The following PIWIL4 variants were observed in gnomAD, a reference collection of about 807,000 sequenced individuals.
PIWIL4 encodes the protein piwi-like protein 4.
Under a neutral mutation model 100.9 loss-of-function variants are expected in PIWIL4, and 50 were observed. That is an observed-to-expected ratio of 0.50 (90% confidence interval 0.39 to 0.63). The LOEUF (loss-of-function observed/expected upper bound fraction) is 0.63, where lower values mean the gene tolerates loss of function less well. Among genes scored for constraint, PIWIL4 ranks in the 20% least tolerant of loss-of-function variants. The probability of loss-of-function intolerance (pLI) is 0.00; values close to 1 mark genes in which losing one functional copy is unlikely to be tolerated. For synonymous variants in PIWIL4, 342 were observed against 367.5 expected (o/e 0.93, Z 0.79); for missense variants, 887 against 1,043.3 (o/e 0.85, Z 2.06).
intron 19 of PIWIL4, 50 bp from the exon 20 acceptor site, chr11:94,620,826 T>G: frequency 7.1e-7 from 1 of 1,405,794 alleles, no homozygotes; most frequent in Non-Finnish European, 1.0e-6. Context: ...AAAATCTCTT[T>G]GAAGAACAAG....
At chr11:94,574,805 C>A (rs142326519) in intron 2 of PIWIL4, among the ~76,000 whole-genome samples, 194 bp from the exon 3 acceptor site, 2 of 152,168 alleles carry the variant, frequency 1.3e-5, no homozygotes, top group Admixed American at 6.5e-5. Flanking sequence ...TTTAACAAAA[C>A]GTTCTGTGTT....
rs535004539 is a variant in PIWIL4, at chr11:94,598,535, A to T, written c.1380+620A>T. Among the ~76,000 whole-genome samples the T allele has an allele frequency of 9.9e-5, 15 of 152,096 alleles. 1 individual carries two copies. The East Asian group carries it at 1.9e-3, about 20-fold the overall frequency. ...TTAATATTTTACGCAAAAATTATACATTATCTTTCTCCCCTCCCCCTCCGT... is the reference window on the plus strand; with the variant it reads ...TTAATATTTTACGCAAAAATTATACTTTATCTTTCTCCCCTCCCCCTCCGT... On this transcript the variant is annotated intron_variant, in intron 11 of 19. Transcript: ENST00000299001.
rs568841811 is a variant in PIWIL4, at chr11:94,585,460, G to T, written c.651G>T (p.Leu217Phe). 4.8e-4 allele frequency: 776 copies of T among 1,609,780 alleles called. 13 individuals are homozygous for T. The South Asian group carries it at 8.1e-3, about 17-fold the overall frequency. Residue 217 changes from leucine (L) to phenylalanine (F), a missense_variant, in exon 6 of 20, where the codon TTG becomes TTT. Leu to Phe is a conservative substitution (Grantham distance 22). This residue lies in a region of PIWIL4 where 741 missense variants were observed against 930.0 expected (regional missense o/e 0.80). Coordinates refer to ENST00000299001, the MANE Select transcript of PIWIL4 (RefSeq NM_152431.3). ...NIIFRKILKK[L>F]SMYQIGRNFY... The stretch of plus-strand genomic sequence containing the variant: ...ATACTTGCAGGATCCTCAAAAAGTT[G>T]TCCATGTACCAAATTGGACGGAACT...
chr11:94,586,482 G>A (rs762536563), intron 6 of PIWIL4, among the ~76,000 whole-genome samples: 3 of 151,468 alleles, frequency 2.0e-5, no homozygotes, highest in South Asian at 4.1e-4. Context: ...TTGTATATCT[G>A]TTTGTGGTAT....
chr11:94,595,937 G>A (rs1240275254), intron 10 of PIWIL4, among the ~76,000 whole-genome samples: 1 of 152,116 alleles, frequency 6.6e-6, no homozygotes, highest in Non-Finnish European at 1.5e-5. Context: ...TCTTATTTAT[G>A]ACAGTTTGCT....
intron 2 of PIWIL4, among the ~76,000 whole-genome samples, chr11:94,570,050 T>G (rs1474434225): frequency 6.6e-6 from 1 of 152,198 alleles, no homozygotes. Context: ...TATCTACCAG[T>G]GCATGTAGCC....
At chr11:94,598,076 A>G (rs554258424) in intron 11 of PIWIL4, among the ~76,000 whole-genome samples, 161 bp downstream of exon 11, 4 of 152,162 alleles carry the variant, frequency 2.6e-5, no homozygotes, top group Non-Finnish European at 5.9e-5. Flanking sequence ...TTCCTTTTCA[A>G]TCTGAATTTA....
At chr11:94,580,572 G>A (rs935182936) in intron 4 of PIWIL4, among the ~76,000 whole-genome samples, 15 of 152,128 alleles carry the variant, frequency 9.9e-5, no homozygotes, top group African/African-American at 3.6e-4. Flanking sequence ...AGGGTGTTGC[G>A]ACCATGGAGC....
intron 2 of PIWIL4, among the ~76,000 whole-genome samples, chr11:94,572,788 A>G (rs978033830): frequency 9.9e-5 from 15 of 152,182 alleles, no homozygotes; most frequent in African/African-American, 3.4e-4. Context: ...TTTTGGTTCC[A>G]TATGAACTAT....
intron 13 of PIWIL4, among the ~76,000 whole-genome samples, chr11:94,605,052 T>C (rs977331600): frequency 2.0e-5 from 3 of 152,230 alleles, no homozygotes; most frequent in African/African-American, 7.2e-5. Context: ...ATTTTCTATC[T>C]TTTTTGCTGA....
Position 94,621,159 on chromosome 11 carries a change from T to G in PIWIL4, c.*167T>G. On this transcript the variant is annotated 3_prime_UTR_variant, in exon 20 of 20. Transcript: ENST00000299001. The stretch of plus-strand genomic sequence containing the variant: ...CTTAATCTGAAACAGTTTTAAAAAA[T>G]GTGTGTTATTTTGTTTTAAAGAGTT... 1 of 556,758 alleles carries G rather than the reference T, an allele frequency of 1.8e-6. No individual in the cohort carries two copies. The highest frequency in any genetic ancestry group is 3.2e-6 in the Non-Finnish European group (1 of 314,282). 34.5% of individuals were successfully genotyped at this position (556,758 alleles called of 1,614,324 possible). A position where few individuals can be genotyped will look rare whatever the true frequency, so the allele number is the denominator to read the frequency against.
chr11:94,589,382 C>G (rs1385998776), intron 8 of PIWIL4, 150 bp downstream of exon 8: 1 of 641,728 alleles, frequency 1.6e-6, no homozygotes, highest in Non-Finnish European at 2.7e-6. Context: ...CCCCACCCTC[C>G]CAGTCTCCTG....
chr11:94,583,147 C>T (rs1948349144), intron 4 of PIWIL4, among the ~76,000 whole-genome samples: 1 of 149,638 alleles, frequency 6.7e-6, no homozygotes, highest in African/African-American at 2.4e-5. Context: ...CTCCCGCTCC[C>T]TAGAAAAATC....
chr11:94,576,378 C>G (rs1343429023), intron 3 of PIWIL4, among the ~76,000 whole-genome samples: 1 of 152,188 alleles, frequency 6.6e-6, no homozygotes, highest in African/African-American at 2.4e-5. Flanking sequence ...AAGCAATCCA[C>G]CCGCCTTGGC....
At chr11:94,597,213 T>G (rs963310165) in intron 10 of PIWIL4, among the ~76,000 whole-genome samples, 7 of 152,254 alleles carry the variant, frequency 4.6e-5, no homozygotes, top group African/African-American at 9.6e-5. Flanking sequence ...CTGAATCTTC[T>G]GAAGCTTACA....
rs187901764 is a variant in PIWIL4, at chr11:94,589,037, T to C, written c.915-84T>C. The C allele has an allele frequency of 9.5e-5, 84 of 887,030 alleles. No individual in the cohort carries two copies. The Admixed American group carries it at 1.7e-3, about 18-fold the overall frequency. The allele number at this position is 887,030 out of a possible 1,614,324, so 54.9% of individuals were successfully genotyped here. The stretch of plus-strand genomic sequence containing the variant: ...ATTTCTGACATTCTGGAGTCTATCT[T>C]ATGTGTTGAATTAAAAGTGTGGTGA... On this transcript the variant is annotated intron_variant, in intron 7 of 19. Transcript: ENST00000299001.
Position 94,589,200 on chromosome 11 carries a change from A to G in PIWIL4, c.994A>G (p.Thr332Ala), listed in dbSNP as rs1236695626. ...PTHTFQKRDGTEITYVDYYKQ... is the reference protein window; with the variant it reads ...PTHTFQKRDGAEITYVDYYKQ... ...ACACACCTTTCAGAAGCGGGATGGCACCGAGATCACCTATGTGGATTACTA... is the reference window on the plus strand; with the variant it reads ...ACACACCTTTCAGAAGCGGGATGGCGCCGAGATCACCTATGTGGATTACTA... The change falls in exon 8 of 20, where the codon ACC becomes GCC. Residue 332 changes from threonine to alanine, a missense_variant. Transcript: ENST00000299001. The G allele has an allele frequency of 6.2e-7, 1 of 1,609,574 alleles. No homozygotes were observed. The highest frequency in any genetic ancestry group is 1.3e-5 in the African/African-American group (1 of 74,828).
intron 11 of PIWIL4, among the ~76,000 whole-genome samples, chr11:94,598,129 A>G (rs1247967094): frequency 6.6e-6 from 1 of 152,236 alleles, no homozygotes; most frequent in Non-Finnish European, 1.5e-5. Context: ...GATTTAGGTT[A>G]GTCAGAAGAC....
chr11:94,612,872 G>A (rs902576634), intron 15 of PIWIL4, among the ~76,000 whole-genome samples: 2 of 151,832 alleles, frequency 1.3e-5, no homozygotes, highest in Admixed American at 6.6e-5. Flanking sequence ...TTCTTATATT[G>A]TGTATATATG....
Sources: gnomAD v4.1 joint callset for allele counts (sites outside exome capture counted in the v4.1 genomes callset) on GRCh38, gnomAD v4.1.1 for gene constraint, gnomAD v4.1.1 regional missense constraint, MANE v1.5 for transcripts, NCBI Gene and HGNC (gene_info 2026-07-23, HGNC 2026-07-21) for gene names.